PCGF3: variants seen among roughly 807,000 people sequenced by gnomAD.
PCGF3 encodes polycomb group RING finger protein 3.
A neutral mutation model predicts 33.1 loss-of-function variants in PCGF3; 7 were observed. The observed-to-expected ratio is 0.21, with a 90% confidence interval of 0.12 to 0.40. The LOEUF (loss-of-function observed/expected upper bound fraction) is 0.40. PCGF3 is among the 10% of genes least tolerant of loss of function. PCGF3 has a pLI of 1.00. For synonymous variants in PCGF3, 153 were observed against 121.3 expected (o/e 1.26, Z -1.72); for missense variants, 211 against 313.3 (o/e 0.67, Z 2.46).
At chr4:756,397 C>T (rs1744771147) in intron 8 of PCGF3, among the ~76,000 whole-genome samples, 1 of 150,472 alleles carries the variant, frequency 6.6e-6, no homozygotes, top group South Asian at 2.1e-4. Flanking sequence ...ATTTTTATTA[C>T]AGACGGGGTT....
intron 1 of PCGF3, among the ~76,000 whole-genome samples, chr4:718,430 C>A (rs1742946488): frequency 6.6e-6 from 1 of 152,162 alleles, no homozygotes; most frequent in Admixed American, 6.5e-5. Context: ...TGGGGTCCCA[C>A]CTTAGTGAAT....
intron 8 of PCGF3, among the ~76,000 whole-genome samples, chr4:760,111 C>G (rs1744967587): frequency 6.6e-6 from 1 of 152,250 alleles, no homozygotes; most frequent in Non-Finnish European, 1.5e-5. Flanking sequence ...CCCAGTGGCT[C>G]TTGCGGGGCC....
At chr4:747,954 T>C (rs7376288) in intron 8 of PCGF3, among the ~76,000 whole-genome samples, 101,659 of 151,880 alleles carry the variant, frequency 0.67, 34,332 homozygotes, top group Admixed American at 0.73. Flanking sequence ...GGCAGGTCAG[T>C]GGCCGGCTCT....
At chr4:751,442 C>A (rs777433010) in intron 8 of PCGF3, among the ~76,000 whole-genome samples, 1 of 152,060 alleles carries the variant, frequency 6.6e-6, no homozygotes, top group South Asian at 2.1e-4. Flanking sequence ...ATTTGTGCTT[C>A]GCCACGTCCG....
At position 755,773 on chromosome 4, in the gene PCGF3, G is replaced by A. The variant is rs368624080; in HGVS notation, c.463-5506G>A. On this transcript the variant is annotated intron_variant, in intron 8 of 10. Coordinates refer to ENST00000362003, the Ensembl canonical transcript of PCGF3. ...CCCCCTGGGCTCTCTGCTCTGTTCC[G>A]CTGGTCTCTTGTCTCCCATTGTGCC... Among the ~76,000 whole-genome samples the A allele has an allele frequency of 5.0e-4, 76 of 152,124 alleles. No individual in the cohort carries two copies. The East Asian group carries it at 7.9e-3, about 16-fold the overall frequency.
At chr4:747,922 A>C (rs1744336001) in intron 8 of PCGF3, among the ~76,000 whole-genome samples, 1 of 152,132 alleles carries the variant, frequency 6.6e-6, no homozygotes, top group Admixed American at 6.5e-5. Flanking sequence ...GCTTAGGGTA[A>C]AGCATGGCAG....
intron 10 of PCGF3, 28 bp downstream of exon 10, chr4:765,092 T>A (rs1358508766): frequency 2.0e-6 from 3 of 1,487,218 alleles, no homozygotes; most frequent in Non-Finnish European, 2.8e-6. Context: ...ATTTTCAGAG[T>A]CTGCTCTGAA....
chr4:760,972 T>G (rs1745022935), intron 8 of PCGF3, among the ~76,000 whole-genome samples: 1 of 152,244 alleles, frequency 6.6e-6, no homozygotes, highest in Admixed American at 6.5e-5. Context: ...CAGGCTTAGC[T>G]GGAGACCAAG....
intron 8 of PCGF3, among the ~76,000 whole-genome samples, chr4:754,241 G>A (rs1279701237): frequency 6.6e-6 from 1 of 152,186 alleles, no homozygotes; most frequent in African/African-American, 2.4e-5. Context: ...GGCTCCAATG[G>A]CTCTTGTGTC....
chr4:766,908 G>C (rs115135810), exon 11 of PCGF3: 5,289 of 152,402 alleles, frequency 0.035, 120 homozygotes, highest in Non-Finnish European at 0.05. Context: ...GTTGAGTGCC[G>C]CCGTTTGGTT....
chr4:715,720 A>C (rs1289587043), intron 1 of PCGF3, among the ~76,000 whole-genome samples: 2 of 93,860 alleles, frequency 2.1e-5, no homozygotes, highest in Non-Finnish European at 4.6e-5. Context: ...GTAGACACTG[A>C]GTGTGAGAAC....
chr4:710,751 C>G (rs1223514577), intron 1 of PCGF3, among the ~76,000 whole-genome samples: 1 of 152,190 alleles, frequency 6.6e-6, no homozygotes, highest in Admixed American at 6.5e-5. Context: ...AAGACCCCCC[C>G]ACAAATTAAA....
intron 1 of PCGF3, among the ~76,000 whole-genome samples, chr4:727,774 CTG>C (rs1208279682): frequency 1.3e-5 from 2 of 151,544 alleles, no homozygotes; most frequent in African/African-American, 2.5e-5. Context: ...ATTTTCACCT[CTG>C]TGTTTCCTGG....
At chr4:753,042 C>T (rs570965127) in intron 8 of PCGF3, among the ~76,000 whole-genome samples, 15 of 152,356 alleles carry the variant, frequency 9.8e-5, no homozygotes, top group South Asian at 2.1e-4. Flanking sequence ...AGACAGATCC[C>T]GGCCCTCACT....
At chr4:758,036 T>C (rs1018767770) in intron 8 of PCGF3, among the ~76,000 whole-genome samples, 13 of 151,648 alleles carry the variant, frequency 8.6e-5, no homozygotes, top group Non-Finnish European at 1.9e-4. Context: ...GGCATGATGG[T>C]GCGCGCCTGT....
chr4:750,268 G>T (rs1038196108), intron 8 of PCGF3, among the ~76,000 whole-genome samples: 2 of 152,234 alleles, frequency 1.3e-5, no homozygotes, highest in Non-Finnish European at 2.9e-5. Flanking sequence ...TTTGAGTAAC[G>T]TGGCCTTTTT....
intron 4 of PCGF3, chr4:734,591 G>A (rs540156063): frequency 4.3e-6 from 5 of 1,168,534 alleles, no homozygotes; most frequent in South Asian, 3.2e-5. Flanking sequence ...CATCTTTTAG[G>A]ACAAAGTATT....
In PCGF3 at chr4:715,519, C is replaced by T. The variant is rs1415889715; in HGVS notation, c.-190+9549C>T. 2.9e-5 allele frequency among the ~76,000 whole-genome samples: 4 copies of T among 136,236 alleles called. No homozygotes were observed. In the East Asian group the frequency reaches 9.4e-4, roughly 32 times the overall value. 89.4% of individuals were successfully genotyped at this position (136,236 alleles called of 152,430 possible). ...GACACTGAGTGGGAGAACTGGGCGT[C>T]GGTGCTGGGACCCTGTAGACACTGA... is the stretch of plus-strand genomic sequence containing the variant. On this transcript the variant is annotated intron_variant, in intron 1 of 10. Coordinates refer to ENST00000362003, the Ensembl canonical transcript of PCGF3.
exon 8 of PCGF3, chr4:744,628 C>T (rs1273440493): frequency 1.3e-6 from 2 of 1,560,948 alleles, no homozygotes; most frequent in Middle Eastern, 1.7e-4. Flanking sequence ...ACAGTTCAAA[C>T]AAAGAGGCCG....
Sources: allele counts gnomAD v4.1 joint callset (sites outside exome capture counted in the v4.1 genomes callset), GRCh38; gene constraint gnomAD v4.1.1; transcripts MANE v1.5; gene names NCBI Gene and HGNC (gene_info 2026-07-23, HGNC 2026-07-21).